The following PKHD1L1 variants were observed in gnomAD, a reference collection of about 807,000 sequenced individuals.
PKHD1L1 encodes the protein PKHD1 like 1.
Under a neutral mutation model 462.9 loss-of-function variants are expected in PKHD1L1, and 434 were observed. The ratio of observed to expected loss-of-function variants is 0.94; its 90% CI spans 0.87 to 1.02. The LOEUF is 1.02. Ranked by LOEUF, PKHD1L1 falls within the 50% of genes least tolerant of loss-of-function variation. The pLI, the probability that PKHD1L1 is intolerant of heterozygous loss-of-function variation, is 0.00. For synonymous variants in PKHD1L1, 1,781 were observed against 1,750.0 expected, an observed-to-expected ratio of 1.02 and a Z score of -0.44; for missense variants, 5,202 against 5,096.1, an observed-to-expected ratio of 1.02 and a Z score of -0.63.
In PKHD1L1 at chr8:109,404,449, T is replaced by A. The variant is rs912484126; in HGVS notation, c.1374-105T>A. 9 of 660,572 alleles carry A rather than the reference T, an allele frequency of 1.4e-5. No homozygotes were observed. In the African/African-American group the frequency reaches 1.7e-4, roughly 13 times the overall value. 40.9% of individuals were successfully genotyped at this position (660,572 alleles called of 1,614,324 possible). A position where few individuals can be genotyped will look rare whatever the true frequency, so the allele number is the denominator to read the frequency against. On this transcript the variant is annotated intron_variant, in intron 14 of 77. Coordinates refer to ENST00000378402, the MANE Select transcript of PKHD1L1 (RefSeq NM_177531.6). Reference sequence around the variant, plus strand: ...ATGAGATACTACAATATAAGTCATTTAACAGGCAGGCTTTTAAGATAATAT... The same window carrying A: ...ATGAGATACTACAATATAAGTCATTAAACAGGCAGGCTTTTAAGATAATAT...
Position 109,536,965 on chromosome 8 carries a change from A to C in PKHD1L1, c.*6875A>C, listed in dbSNP as rs892846383. 1.3e-5 allele frequency among the ~76,000 whole-genome samples: 2 copies of C among 152,292 alleles called. No individual in the cohort carries two copies. Among genetic ancestry groups the C allele is most frequent in the Admixed American group, 6.5e-5 (1 of 15,294 alleles). ...TTTGAGTATTAAAAAAGAAGTTATA[A>C]TTTTCCAGAATATTAATGTTTATTA... is the stretch of plus-strand genomic sequence containing the variant. On this transcript the variant is annotated 3_prime_UTR_variant, in exon 78 of 78. Transcript: ENST00000378402.
intron 44 of PKHD1L1, 48 bp downstream of exon 44, chr8:109,454,294 C>A: frequency 7.5e-7 from 1 of 1,325,596 alleles, no homozygotes; most frequent in South Asian, 1.4e-5. Context: ...TGTCTCCATT[C>A]ATTTTTTTAA....
chr8:109,421,456 C>CT (rs1237081082), intron 23 of PKHD1L1, among the ~76,000 whole-genome samples: 1 of 152,124 alleles, frequency 6.6e-6, no homozygotes, highest in African/African-American at 2.4e-5. Context: ...CTTACAAATG[C>CT]TTTTCAGTGC....
At position 109,425,156 on chromosome 8, in the gene PKHD1L1, T is replaced by C. The variant is rs1234788609; in HGVS notation, c.2769T>C (p.His923=). ...ATTGGCCAGGCGAGTCAAAAATTCA[T>C]ATTCAAAGAATTCAAGCTGCATCTC... The part of the protein sequence containing the change: ...GNNWPGESKI[H]IQRIQAASPP... Residue 923 remains histidine, a synonymous_variant, in exon 24 of 78, where the codon CAT becomes CAC. Coordinates refer to ENST00000378402, the MANE Select transcript of PKHD1L1 (RefSeq NM_177531.6). 5.6e-6 allele frequency: 9 copies of C among 1,610,460 alleles called. No homozygotes were observed. Among genetic ancestry groups the C allele is most frequent in the Non-Finnish European group, 7.6e-6 (9 of 1,178,500 alleles).
chr8:109,363,387 G>T (rs1040250755), intron 1 of PKHD1L1, among the ~76,000 whole-genome samples: 28 of 152,260 alleles, frequency 1.8e-4, no homozygotes, highest in African/African-American at 6.3e-4. Flanking sequence ...CCTCGGAACT[G>T]GTCTCCTTTA....
chr8:109,438,849 A>T lies in PKHD1L1; in HGVS notation c.3761-48A>T, dbSNP rs538901783. 28 of 1,356,538 alleles carry T rather than the reference A, an allele frequency of 2.1e-5. No homozygotes were observed. In the South Asian group the frequency reaches 3.3e-4, roughly 16 times the overall value. The allele number at this position is 1,356,538 out of a possible 1,614,324, so 84.0% of individuals were successfully genotyped here. ...ATTTAATATGCAAATTTCACACTGG[A>T]TAACAAGTTGAACTTTTTGCATTAT... On this transcript the variant is annotated intron_variant, in intron 31 of 77. Transcript: ENST00000378402.
chr8:109,452,118 T>A lies in PKHD1L1; in HGVS notation c.6351-6T>A. ...ATACATGTTATGTTTTCCCTCTTTT[T>A]TACAGTGAAAATATGGAGGATGTTC... On this transcript the variant is annotated splice_region_variant and splice_polypyrimidine_tract_variant and intron_variant, in intron 41 of 77. Coordinates refer to ENST00000378402, the MANE Select transcript of PKHD1L1 (RefSeq NM_177531.6). 1 of 1,607,730 alleles carries A rather than the reference T, an allele frequency of 6.2e-7. No homozygotes were observed. The highest frequency in any genetic ancestry group is 1.1e-5 in the South Asian group (1 of 89,612).
intron 2 of PKHD1L1, among the ~76,000 whole-genome samples, chr8:109,367,180 A>G (rs1811275413): frequency 6.6e-6 from 1 of 152,216 alleles, no homozygotes; most frequent in Non-Finnish European, 1.5e-5. Flanking sequence ...AATGATAATG[A>G]ATTTGCAAAA....
At chr8:109,486,626 T>C (rs1818540920) in intron 58 of PKHD1L1, 22 bp from the exon 59 acceptor site, 1 of 1,603,714 alleles carries the variant, frequency 6.2e-7, no homozygotes, top group Non-Finnish European at 8.5e-7. Context: ...TTGGCAATAA[T>C]CTAGCTGCCT....
At position 109,533,598 on chromosome 8, in the gene PKHD1L1, A is replaced by G. The variant is rs1821089237; in HGVS notation, c.*3508A>G. On this transcript the variant is annotated 3_prime_UTR_variant, in exon 78 of 78. Transcript: ENST00000378402. ...AAAAACAGACATTATCTCGTGGCAT[A>G]TTCTAGAAACTGACCTTAAAACATA... is the stretch of plus-strand genomic sequence containing the variant. 3.3e-5 allele frequency among the ~76,000 whole-genome samples: 5 copies of G among 152,186 alleles called. No homozygotes were observed. In the South Asian group the frequency reaches 1.0e-3, roughly 32 times the overall value.
rs779665448 is a variant in PKHD1L1, at chr8:109,491,003, G to T, written c.10016G>T (p.Gly3339Val). The change falls in exon 61 of 78, where the codon GGC (glycine) becomes GTC (valine). Residue 3339 changes from glycine to valine, a missense_variant. Transcript: ENST00000378402. ...IQEHGSSYIR[G>V]CAFHHGFSPA... Reference sequence around the variant, plus strand: ...GAACATGGCTCATCTTATATTCGAGGCTGTGCTTTTCACCATGGCTTCTCT... The same window carrying T: ...GAACATGGCTCATCTTATATTCGAGTCTGTGCTTTTCACCATGGCTTCTCT... 8 of 1,608,638 alleles carry T rather than the reference G, an allele frequency of 5.0e-6. No individual in the cohort carries two copies. The highest frequency in any genetic ancestry group is 6.8e-6 in the Non-Finnish European group (8 of 1,176,324).
intron 25 of PKHD1L1, 40 bp from the exon 26 acceptor site, chr8:109,429,300 G>T: frequency 1.4e-6 from 2 of 1,437,710 alleles, no homozygotes; most frequent in Non-Finnish European, 1.9e-6. Flanking sequence ...CGTCATATTT[G>T]TTATAACCTT....
chr8:109,374,406 G>A (rs1029884919), intron 2 of PKHD1L1, among the ~76,000 whole-genome samples: 9 of 152,180 alleles, frequency 5.9e-5, no homozygotes, highest in African/African-American at 2.2e-4. Context: ...CTGCACATGA[G>A]ATGGGTTTCC....
intron 71 of PKHD1L1, among the ~76,000 whole-genome samples, chr8:109,514,109 C>T (rs1433164377): frequency 6.6e-6 from 1 of 152,154 alleles, no homozygotes; most frequent in Non-Finnish European, 1.5e-5. Flanking sequence ...TCCAGCCCCA[C>T]TGAGCTCCTT....
At position 109,523,329 on chromosome 8, in the gene PKHD1L1, A is replaced by G. The variant is rs774300861; in HGVS notation, c.12427A>G (p.Thr4143Ala). The G allele has an allele frequency of 6.2e-7, 1 of 1,613,260 alleles. No homozygotes were observed. ...AGTCAATGGCCTTAGTGGAAATACA[A>G]CAATTCCGTTTAGCAGCTGTTGGGC... ...NQVNGLSGNT[T>A]IPFSSCWANY... Residue 4143 changes from threonine to alanine, a missense_variant, in exon 76 of 78, where the codon ACA (threonine) becomes GCA (alanine). Physicochemically the swap from Thr to Ala is moderately conservative, Grantham distance 58. Transcript: ENST00000378402.
intron 2 of PKHD1L1, among the ~76,000 whole-genome samples, chr8:109,370,106 C>A (rs1229120842): frequency 2.0e-5 from 3 of 152,070 alleles, no homozygotes; most frequent in Non-Finnish European, 4.4e-5. Flanking sequence ...CTTACTGATT[C>A]TGTATTATTT....
chr8:109,413,783 T>A (rs1813985469), intron 21 of PKHD1L1, among the ~76,000 whole-genome samples: 1 of 152,064 alleles, frequency 6.6e-6, no homozygotes, highest in African/African-American at 2.4e-5. Context: ...CATGACATAG[T>A]CACCCATAAC....
chr8:109,383,796 T>C (rs1192520015), intron 4 of PKHD1L1, among the ~76,000 whole-genome samples: 1 of 152,052 alleles, frequency 6.6e-6, no homozygotes, highest in Non-Finnish European at 1.5e-5. Context: ...ACTTTTTCTC[T>C]GATTATTTCT....
intron 31 of PKHD1L1, 42 bp downstream of exon 31, chr8:109,438,498 TA>T: frequency 6.1e-6 from 9 of 1,480,766 alleles, no homozygotes; most frequent in Middle Eastern, 2.3e-4. Flanking sequence ...GTCCTATGTA[TA>T]AAAAACATTT....
Sources: gnomAD v4.1 joint callset for allele counts (sites outside exome capture counted in the v4.1 genomes callset) on GRCh38, gnomAD v4.1.1 for gene constraint, MANE v1.5 for transcripts, NCBI Gene and HGNC (gene_info 2026-07-23, HGNC 2026-07-21) for gene names.